The following PCDHA13 variants were observed in gnomAD, a reference collection of about 807,000 sequenced individuals.
The protein encoded by PCDHA13 is protocadherin alpha 13.
In PCDHA13, 54 loss-of-function variants were observed where a neutral mutation model predicts 64.8. That is an observed-to-expected ratio of 0.83 (90% CI 0.67 to 1.04). The LOEUF is 1.04. Ranked by LOEUF, PCDHA13 falls within the 50% of genes least tolerant of loss-of-function variation. The probability of loss-of-function intolerance (pLI) is 0.00; values close to 1 mark genes in which losing one functional copy is unlikely to be tolerated. For missense variants in PCDHA13, 1,248 were observed against 1,254.3 expected, an observed-to-expected ratio of 0.99 and a Z score of 0.08; for synonymous variants, 587 against 564.4, an observed-to-expected ratio of 1.04 and a Z score of -0.57.
intron 1 of PCDHA13, among the ~76,000 whole-genome samples, chr5:140,898,180 G>T (rs1216288813): frequency 6.6e-6 from 1 of 152,128 alleles, no homozygotes; most frequent in Non-Finnish European, 1.5e-5. Context: ...CTGTGCAGAA[G>T]CTCTTTAGTT....
intron 1 of PCDHA13, among the ~76,000 whole-genome samples, chr5:140,889,361 T>C (rs1005398759): frequency 2.0e-5 from 3 of 152,106 alleles, no homozygotes; most frequent in Non-Finnish European, 4.4e-5. Context: ...GATTACTGAC[T>C]CAATTTTAAT....
chr5:140,888,725 T>C (rs1254922405), intron 1 of PCDHA13, among the ~76,000 whole-genome samples: 2 of 152,156 alleles, frequency 1.3e-5, no homozygotes, highest in African/African-American at 4.8e-5. Flanking sequence ...TTTCCAGCCC[T>C]TTGTGAGCTC....
At chr5:140,974,291 A>G (rs1417274006) in intron 1 of PCDHA13, among the ~76,000 whole-genome samples, 1 of 152,196 alleles carries the variant, frequency 6.6e-6, no homozygotes, top group Admixed American at 6.5e-5. Context: ...CTGGGCTCCA[A>G]GGAGGTACAA....
intron 1 of PCDHA13, among the ~76,000 whole-genome samples, chr5:140,905,490 T>C (rs1256863992): frequency 1.3e-5 from 2 of 152,224 alleles, no homozygotes; most frequent in African/African-American, 4.8e-5. Context: ...TTTCTTCTTT[T>C]TGTTTTGTAT....
intron 1 of PCDHA13, among the ~76,000 whole-genome samples, chr5:140,913,117 G>T (rs1055437222): frequency 1.3e-5 from 2 of 152,144 alleles, no homozygotes; most frequent in Non-Finnish European, 2.9e-5. Flanking sequence ...CAGTTTGGAA[G>T]TTAACCCCTC....
chr5:140,974,440 C>T (rs782138345), intron 1 of PCDHA13, among the ~76,000 whole-genome samples: 7 of 152,182 alleles, frequency 4.6e-5, no homozygotes, highest in Admixed American at 1.3e-4. Context: ...TGTAAATTAG[C>T]ATTTTAAATG....
intron 3 of PCDHA13, among the ~76,000 whole-genome samples, chr5:140,986,398 G>A (rs973049448): frequency 7.2e-5 from 11 of 152,174 alleles, no homozygotes; most frequent in African/African-American, 2.4e-4. Flanking sequence ...AGGGCCAGTC[G>A]CTCATGTTAC....
chr5:141,003,574 A>C (rs559561339), intron 3 of PCDHA13, among the ~76,000 whole-genome samples: 9 of 151,680 alleles, frequency 5.9e-5, no homozygotes, highest in African/African-American at 2.2e-4. Context: ...CAGACTCCCA[A>C]AGTGCTGGGA....
At position 140,941,204 on chromosome 5, in the gene PCDHA13, TTTCTTTCTTC is replaced by T. The variant is rs1554213952; in HGVS notation, c.2395-37744_2395-37735del. Among the ~76,000 whole-genome samples, 512 of 88,682 alleles carry T rather than the reference TTTCTTTCTTC, an allele frequency of 5.8e-3. 4 individuals are homozygous for T. Among genetic ancestry groups the T allele is most frequent in the African/African-American group, 0.011 (178 of 16,048 alleles). The allele number at this position is 88,682 out of a possible 152,430, so 58.2% of individuals were successfully genotyped here. ...CTGCTTCTTTTTTTTTCTTTCTTCC[TTTCTTTCTTC>T]CTTTCTTTCTTTCTTTCTTTCTTTC... On this transcript the variant is annotated intron_variant, in intron 1 of 3. Coordinates refer to ENST00000289272, the MANE Select transcript of PCDHA13 (RefSeq NM_018904.3).
At chr5:140,967,843 T>C (rs782701780) in intron 1 of PCDHA13, 3 of 1,614,102 alleles carry the variant, frequency 1.9e-6, no homozygotes, top group Admixed American at 3.3e-5. Flanking sequence ...TGGACGTGAA[T>C]GACAATGCCC....
chr5:140,938,945 T>C (rs1390189208), intron 1 of PCDHA13, among the ~76,000 whole-genome samples: 8 of 152,154 alleles, frequency 5.3e-5, no homozygotes, highest in African/African-American at 1.9e-4. Flanking sequence ...TCCATTCTTA[T>C]AATGCTCTAG....
chr5:140,939,379 A>C (rs1554212694), intron 1 of PCDHA13, among the ~76,000 whole-genome samples: 1 of 152,170 alleles, frequency 6.6e-6, no homozygotes, highest in Non-Finnish European at 1.5e-5. Flanking sequence ...GAACACAAAC[A>C]TTCAGATCAT....
intron 1 of PCDHA13, among the ~76,000 whole-genome samples, chr5:140,971,573 CT>C (rs1203027280): frequency 6.6e-6 from 1 of 152,110 alleles, no homozygotes; most frequent in African/African-American, 2.4e-5. Flanking sequence ...GTTGGGCTTT[CT>C]TTTTTTCCTA....
chr5:140,999,693 AT>A (rs202183337), intron 3 of PCDHA13, among the ~76,000 whole-genome samples: 13 of 151,522 alleles, frequency 8.6e-5, no homozygotes, highest in African/African-American at 2.4e-4. Flanking sequence ...AAGAAATGTG[AT>A]TTTTTTTTAG....
intron 3 of PCDHA13, among the ~76,000 whole-genome samples, chr5:141,006,790 T>A (rs1318848521): frequency 6.6e-6 from 1 of 152,130 alleles, no homozygotes; most frequent in African/African-American, 2.4e-5. Context: ...AATAATTAGC[T>A]TTGAACTTTC....
rs150142414 is a variant in PCDHA13, at chr5:140,941,961, T to C, written c.2395-36988T>C. 4.6e-3 allele frequency among the ~76,000 whole-genome samples: 702 copies of C among 152,326 alleles called. 3 individuals are homozygous for C. Among genetic ancestry groups the C allele is most frequent in the African/African-American group, 0.016 (679 of 41,550 alleles). On this transcript the variant is annotated intron_variant, in intron 1 of 3. Transcript: ENST00000289272. Reference sequence around the variant, plus strand: ...TACTTTTGTTTTGAAAACAATAGTATCTTTACTTTCCCTAAACCTTGATAA... The same window carrying C: ...TACTTTTGTTTTGAAAACAATAGTACCTTTACTTTCCCTAAACCTTGATAA...
intron 1 of PCDHA13, chr5:140,930,420 A>G (rs996872425): frequency 1.3e-5 from 2 of 151,962 alleles, no homozygotes; most frequent in Non-Finnish European, 2.9e-5. Context: ...CAGGGGTCTC[A>G]CTATGTTGCC....
intron 1 of PCDHA13, among the ~76,000 whole-genome samples, chr5:140,943,086 G>A (rs1384084328): frequency 6.6e-6 from 1 of 151,632 alleles, no homozygotes; most frequent in African/African-American, 2.4e-5. Flanking sequence ...GTGAAATCCT[G>A]CCTCTACTAA....
chr5:140,907,790 A>G (rs2073612747), intron 1 of PCDHA13, among the ~76,000 whole-genome samples: 1 of 152,178 alleles, frequency 6.6e-6, no homozygotes, highest in African/African-American at 2.4e-5. Context: ...CTGGGGAAAG[A>G]GGCTAAGTGG....
Sources: gnomAD v4.1 joint callset for allele counts (sites outside exome capture counted in the v4.1 genomes callset) on GRCh38, gnomAD v4.1.1 for gene constraint, MANE v1.5 for transcripts, NCBI Gene and HGNC (gene_info 2026-07-23, HGNC 2026-07-21) for gene names.